The following NDUFAF2 variants were observed in gnomAD, a reference collection of about 807,000 sequenced individuals.
The protein encoded by NDUFAF2 is NADH dehydrogenase [ubiquinone] 1 alpha subcomplex assembly factor 2.
Under a neutral mutation model 22.8 loss-of-function variants are expected in NDUFAF2, and 13 were observed. That is an observed-to-expected ratio of 0.57 (90% CI 0.37 to 0.91). The LOEUF (loss-of-function observed/expected upper bound fraction) is 0.91, where lower values mean the gene tolerates loss of function less well. NDUFAF2 is among the 40% of genes least tolerant of loss of function. NDUFAF2 has a pLI of 0.01. For synonymous variants in NDUFAF2, 53 were observed against 64.2 expected, an observed-to-expected ratio of 0.83 and a Z score of 0.84; for missense variants, 162 against 195.2, an observed-to-expected ratio of 0.83 and a Z score of 1.01.
chr5:61,046,889 T>G (rs1048320497), intron 1 of NDUFAF2, among the ~76,000 whole-genome samples: 3 of 152,224 alleles, frequency 2.0e-5, no homozygotes, highest in Non-Finnish European at 2.9e-5. Context: ...TTAATAGTGT[T>G]GCCCAAAATC....
At chr5:61,017,056 A>G (rs1751521119) in intron 1 of NDUFAF2, among the ~76,000 whole-genome samples, 1 of 152,146 alleles carries the variant, frequency 6.6e-6, no homozygotes, top group African/African-American at 2.4e-5. Flanking sequence ...TTTAAACTCA[A>G]CATTTGCCTC....
chr5:60,956,025 C>T (rs189265174), intron 1 of NDUFAF2, among the ~76,000 whole-genome samples: 291 of 151,828 alleles, frequency 1.9e-3, no homozygotes, highest in Non-Finnish European at 3.5e-3. Context: ...AGTGATCCTC[C>T]TAAGTACTGG....
intron 1 of NDUFAF2, among the ~76,000 whole-genome samples, chr5:61,031,948 G>T (rs1751733126): frequency 6.6e-6 from 1 of 152,140 alleles, no homozygotes; most frequent in South Asian, 2.1e-4. Context: ...TCTCATTGTG[G>T]TTTTGATTTG....
chr5:60,968,455 A>G (rs1750786305), intron 1 of NDUFAF2, among the ~76,000 whole-genome samples: 1 of 151,728 alleles, frequency 6.6e-6, no homozygotes, highest in Non-Finnish European at 1.5e-5. Context: ...TTTTTAATGT[A>G]AGTGTTCATT....
intron 1 of NDUFAF2, among the ~76,000 whole-genome samples, chr5:60,987,298 C>T (rs1243532074): frequency 6.6e-6 from 1 of 152,062 alleles, no homozygotes; most frequent in East Asian, 1.9e-4. Flanking sequence ...GCCTACCAAT[C>T]CCCCATAAAA....
At chr5:60,951,586 A>G (rs1750549635) in intron 1 of NDUFAF2, among the ~76,000 whole-genome samples, 1 of 152,054 alleles carries the variant, frequency 6.6e-6, no homozygotes. Context: ...TCCTTTTTAT[A>G]TATTATTGGA....
intron 3 of NDUFAF2, among the ~76,000 whole-genome samples, chr5:61,117,087 C>G (rs1038382327): frequency 6.6e-6 from 1 of 152,104 alleles, no homozygotes; most frequent in African/African-American, 2.4e-5. Context: ...AAGAATAAGG[C>G]AAACCCTCAT....
At chr5:60,981,912 T>C (rs529342283) in intron 1 of NDUFAF2, among the ~76,000 whole-genome samples, 1 of 152,052 alleles carries the variant, frequency 6.6e-6, no homozygotes, top group African/African-American at 2.4e-5. Context: ...TGTAGAAAAA[T>C]GAAACTGGAC....
chr5:61,120,065 T>C (rs1463443137), intron 3 of NDUFAF2, among the ~76,000 whole-genome samples: 2 of 152,168 alleles, frequency 1.3e-5, no homozygotes, highest in South Asian at 2.1e-4. Context: ...CTTACTCTTT[T>C]GTATTCTGCT....
intron 1 of NDUFAF2, among the ~76,000 whole-genome samples, chr5:61,057,395 C>T (rs545953076): frequency 6.6e-6 from 1 of 152,304 alleles, no homozygotes; most frequent in Admixed American, 6.5e-5. Flanking sequence ...GCTTGACTAA[C>T]TAAATGAAGA....
rs547455784 is a variant in NDUFAF2 at position 61,133,777 on chromosome 5, T to G, written c.259-18927T>G. On this transcript the variant is annotated intron_variant, in intron 3 of 3. Transcript: ENST00000296597. Reference sequence around the variant, plus strand: ...CACAGACAGAGCCACATTCATTCATTTCGCAAATATGTGTTAAGCACCGAT... The same window carrying G: ...CACAGACAGAGCCACATTCATTCATGTCGCAAATATGTGTTAAGCACCGAT... 4.6e-5 allele frequency among the ~76,000 whole-genome samples: 7 copies of G among 152,326 alleles called. No homozygotes were observed. In the South Asian group the frequency reaches 1.4e-3, roughly 32 times the overall value.
chr5:61,104,766 CAG>C (rs1156851287), intron 3 of NDUFAF2, among the ~76,000 whole-genome samples: 1 of 147,394 alleles, frequency 6.8e-6, no homozygotes, highest in Non-Finnish European at 1.5e-5. Context: ...GAAATTGGCA[CAG>C]AAAAAAAAAA....
intron 3 of NDUFAF2, among the ~76,000 whole-genome samples, chr5:61,108,742 A>C (rs1286022920): frequency 5.3e-5 from 8 of 152,050 alleles, no homozygotes; most frequent in Admixed American, 4.6e-4. Flanking sequence ...TATGTTCTTG[A>C]TACCTTTGTT....
At chr5:61,141,823 G>A (rs980037558) in intron 3 of NDUFAF2, among the ~76,000 whole-genome samples, 8 of 152,142 alleles carry the variant, frequency 5.3e-5, no homozygotes, top group African/African-American at 1.9e-4. Context: ...AGCCTAAGTT[G>A]TAGCTTCTTT....
chr5:61,110,318 G>A (rs1301565113), intron 3 of NDUFAF2, among the ~76,000 whole-genome samples: 3 of 150,948 alleles, frequency 2.0e-5, no homozygotes, highest in African/African-American at 4.9e-5. Flanking sequence ...TTTGATATCA[G>A]ACAAAGATTT....
intron 1 of NDUFAF2, among the ~76,000 whole-genome samples, chr5:61,041,914 A>T (rs551903840): frequency 2.0e-5 from 3 of 152,198 alleles, no homozygotes; most frequent in Non-Finnish European, 2.9e-5. Flanking sequence ...CATTGCAGTC[A>T]TGGGCAAACC....
intron 1 of NDUFAF2, among the ~76,000 whole-genome samples, chr5:60,953,776 T>C (rs1456127462): frequency 2.0e-5 from 3 of 152,210 alleles, no homozygotes; most frequent in Non-Finnish European, 4.4e-5. Flanking sequence ...ATGTTTTTAA[T>C]GTAACCTAAT....
chr5:61,038,747 T>C lies in NDUFAF2; in HGVS notation c.128-34378T>C, dbSNP rs553561104. Among the ~76,000 whole-genome samples the C allele has an allele frequency of 5.3e-5, 8 of 152,336 alleles. No homozygotes were observed. In the South Asian group the frequency reaches 1.7e-3, roughly 32 times the overall value. On this transcript the variant is annotated intron_variant, in intron 1 of 3. Transcript: ENST00000296597. ...AAGTAAATCTTTTCAAAATTATTTG[T>C]TATTAAGTTATTATTAATCATCCAA...
intron 2 of NDUFAF2, among the ~76,000 whole-genome samples, chr5:61,084,906 T>G (rs1752488372): frequency 6.6e-6 from 1 of 152,140 alleles, no homozygotes; most frequent in Non-Finnish European, 1.5e-5. Context: ...GATAGCTACA[T>G]CAGACAACAT....
Sources: allele counts gnomAD v4.1 joint callset (sites outside exome capture counted in the v4.1 genomes callset), GRCh38; gene constraint gnomAD v4.1.1; transcripts MANE v1.5; gene names NCBI Gene and HGNC (gene_info 2026-07-23, HGNC 2026-07-21).